The following FAM227A variants were observed in gnomAD, a reference collection of about 807,000 sequenced individuals.
FAM227A encodes protein FAM227A.
A neutral mutation model predicts 74.7 loss-of-function variants in FAM227A; 80 were observed. The ratio of observed to expected loss-of-function variants is 1.07; its 90% confidence interval spans 0.89 to 1.29. The LOEUF (loss-of-function observed/expected upper bound fraction) is 1.29, where lower values mean the gene tolerates loss of function less well. Ranked by LOEUF, FAM227A falls within the 50% of genes most tolerant of loss-of-function variation. The pLI is 0.00. For missense variants in FAM227A, 654 were observed against 683.4 expected (o/e 0.96, Z 0.48); for synonymous variants, 237 against 241.8 (o/e 0.98, Z 0.19).
intron 6 of FAM227A, among the ~76,000 whole-genome samples, chr22:38,633,211 C>T (rs1458258176): frequency 6.6e-6 from 1 of 152,176 alleles, no homozygotes; most frequent in Non-Finnish European, 1.5e-5. Flanking sequence ...AGACGGGGCA[C>T]AAATTTGCTT....
chr22:38,592,239 G>A (rs1043163443), intron 15 of FAM227A, among the ~76,000 whole-genome samples: 15 of 152,086 alleles, frequency 9.9e-5, no homozygotes, highest in African/African-American at 2.7e-4. Context: ...GAACCACTGC[G>A]CCCAGCAACA....
In FAM227A at chr22:38,650,031, T is replaced by A. The variant is rs374787210; in HGVS notation, c.138A>T (p.Pro46=). ...KTVRKELENN[P]PSCLIGSMHQ... is the part of the protein sequence containing the mutation. ...GTGACATCACCAGAAGGATACAGGG[T>A]GGATTGTTCTCTAACTCCTTCCTCA... Residue 46 remains proline, a synonymous_variant, in exon 2 of 17, where the codon CCA becomes CCT. Transcript: ENST00000535113. The A allele has an allele frequency of 3.5e-5, 54 of 1,552,006 alleles. No homozygotes were observed. Among genetic ancestry groups the A allele is most frequent in the Non-Finnish European group, 4.5e-5 (52 of 1,147,096 alleles).
Position 38,623,213 on chromosome 22 carries a change from C to A in FAM227A, c.917G>T (p.Arg306Leu), listed in dbSNP as rs1413850859. ...DYSELDPERF[R>L]REELMLYRRR... ...TCTGTACAACATTAATTCTTCTCTG[C>A]GGAATCGCTCTGGGTCTAGTTCCGA... Residue 306 changes from arginine to leucine, a missense_variant, in exon 10 of 17, where the codon CGC (arginine) becomes CTC (leucine). By Grantham distance (102) the Arg-to-Leu change is moderately radical. Coordinates refer to ENST00000535113, the MANE Select transcript of FAM227A (RefSeq NM_001013647.2). 3 of 1,551,470 alleles carry A rather than the reference C, an allele frequency of 1.9e-6. No homozygotes were observed. Among genetic ancestry groups the A allele is most frequent in the South Asian group, 1.2e-5 (1 of 84,058 alleles).
At chr22:38,594,981 C>T (rs2091012911) in intron 15 of FAM227A, among the ~76,000 whole-genome samples, 1 of 152,066 alleles carries the variant, frequency 6.6e-6, no homozygotes, top group Non-Finnish European at 1.5e-5. Flanking sequence ...GCCTGTAATC[C>T]TAGATATTTG....
rs1447663606 is a variant in FAM227A at position 38,620,209 on chromosome 22, T to TA, written c.1038+2dup. ...GGGTCCTGGTCCGTGCCTCCCCACT[T>TA]ACCTGAGGGTGGTAGAATTTCCTGC... On this transcript the variant is annotated splice_region_variant and intron_variant, in intron 11 of 16. Coordinates refer to ENST00000535113, the MANE Select transcript of FAM227A (RefSeq NM_001013647.2). The TA allele has an allele frequency of 6.5e-7, 1 of 1,550,096 alleles. No homozygotes were observed. Among genetic ancestry groups the TA allele is most frequent in the South Asian group, 1.2e-5 (1 of 84,006 alleles).
chr22:38,595,064 A>T (rs1159235233), intron 15 of FAM227A, among the ~76,000 whole-genome samples: 2 of 152,300 alleles, frequency 1.3e-5, no homozygotes, highest in South Asian at 4.1e-4. Context: ...CACCACTGCA[A>T]TGCAGCCTGG....
At chr22:38,651,152 G>A (rs2092316149) in intron 1 of FAM227A, among the ~76,000 whole-genome samples, 1 of 152,070 alleles carries the variant, frequency 6.6e-6, no homozygotes, top group African/African-American at 2.4e-5. Flanking sequence ...TCCAGATGTG[G>A]TTCCCTCTGT....
intron 6 of FAM227A, among the ~76,000 whole-genome samples, chr22:38,636,169 G>A (rs1267002160): frequency 2.0e-5 from 3 of 152,156 alleles, no homozygotes; most frequent in East Asian, 1.9e-4. Context: ...ATTGGCAACA[G>A]AATAAGTATA....
chr22:38,637,690 A>C (rs1254845791), intron 5 of FAM227A, among the ~76,000 whole-genome samples: 1 of 152,350 alleles, frequency 6.6e-6, no homozygotes, highest in Middle Eastern at 3.4e-3. Context: ...TTTGCAGGAC[A>C]CTTAGCTCAG....
chr22:38,604,052 G>C (rs1422487919), intron 13 of FAM227A, among the ~76,000 whole-genome samples: 1 of 151,958 alleles, frequency 6.6e-6, no homozygotes, highest in East Asian at 1.9e-4. Flanking sequence ...TTAGCCCAGG[G>C]GTGGTGGCTC....
intron 5 of FAM227A, among the ~76,000 whole-genome samples, chr22:38,638,078 T>C (rs567472743): frequency 1.3e-5 from 2 of 152,222 alleles, no homozygotes; most frequent in African/African-American, 4.8e-5. Context: ...GACAGGAGAA[T>C]CACTTGAACC....
chr22:38,607,683 G>A (rs900566580), intron 11 of FAM227A, among the ~76,000 whole-genome samples: 1 of 152,186 alleles, frequency 6.6e-6, no homozygotes, highest in Non-Finnish European at 1.5e-5. Context: ...AGAACACATG[G>A]GCTGGGGACC....
chr22:38,591,332 A>C, intron 16 of FAM227A, 103 bp downstream of exon 16: 2 of 1,453,868 alleles, frequency 1.4e-6, no homozygotes, highest in East Asian at 2.6e-5. Context: ...CAGTAAAATA[A>C]AATAAAATAA....
At chr22:38,625,712 G>A (rs5757188) in intron 9 of FAM227A, among the ~76,000 whole-genome samples, 44,794 of 151,940 alleles carry the variant, frequency 0.29, 6,685 homozygotes, top group East Asian at 0.36. Flanking sequence ...TTGGGAGGCC[G>A]AAGCAGGCGG....
Position 38,650,019 on chromosome 22 carries a change from AAGGATAC to A in FAM227A, c.142+1_142+7del. ...GTCTGATTGTAGGTGACATCACCAG[AAGGATAC>A]AGGGTGGATTGTTCTCTAACTCCTT... On this transcript the variant is annotated splice_donor_variant and splice_donor_5th_base_variant and intron_variant, in intron 2 of 16. Transcript: ENST00000535113. LOFTEE classifies it high-confidence loss of function. 6.4e-7 allele frequency: 1 copy of A among 1,552,142 alleles called. No homozygotes were observed. Among genetic ancestry groups the A allele is most frequent in the African/African-American group, 1.4e-5 (1 of 73,178 alleles).
intron 4 of FAM227A, 107 bp from the exon 5 acceptor site, chr22:38,638,929 A>C: frequency 1.5e-6 from 1 of 652,484 alleles, no homozygotes; most frequent in Non-Finnish European, 2.6e-6. Flanking sequence ...GCCAGAGGAC[A>C]CTCCTACTAC....
At chr22:38,618,971 GAAAAAA>G (rs1234791699) in intron 11 of FAM227A, among the ~76,000 whole-genome samples, 1 of 81,556 alleles carries the variant, frequency 1.2e-5, no homozygotes, top group African/African-American at 4.3e-5. Context: ...CAGCTCTTCA[GAAAAAA>G]AAAAAAAAAA....
chr22:38,630,950 C>T (rs1200900102), intron 6 of FAM227A, among the ~76,000 whole-genome samples: 2 of 152,130 alleles, frequency 1.3e-5, no homozygotes, highest in Non-Finnish European at 2.9e-5. Flanking sequence ...GGTGGATCAC[C>T]TCAGGTCAGG....
At chr22:38,623,129 T>C (rs1460722259) in intron 10 of FAM227A, 43 bp downstream of exon 10, 5 of 1,316,158 alleles carry the variant, frequency 3.8e-6, no homozygotes, top group Non-Finnish European at 5.4e-6. Flanking sequence ...TGGTTGAGTA[T>C]GGCAGTGGCA....
Sources: gnomAD v4.1 joint callset for allele counts (sites outside exome capture counted in the v4.1 genomes callset) on GRCh38, gnomAD v4.1.1 for gene constraint, MANE v1.5 for transcripts, NCBI Gene and HGNC (gene_info 2026-07-23, HGNC 2026-07-21) for gene names.